Variants in TECRL observed in about 807,000 individuals in gnomAD.
TECRL encodes trans-2,3-enoyl-CoA reductase-like.
TECRL carries 63 observed loss-of-function variants against 52.8 expected under a neutral mutation model. The ratio of observed to expected loss-of-function variants is 1.19; its 90% CI spans 0.97 to 1.47. TECRL has a LOEUF of 1.47. Among genes scored for constraint, TECRL ranks in the 40% most tolerant of loss-of-function variants. The pLI, the probability that TECRL is intolerant of heterozygous loss-of-function variation, is 0.00. For synonymous variants in TECRL, 164 were observed against 141.9 expected (o/e 1.16, Z -1.10); for missense variants, 482 against 429.6 (o/e 1.12, Z -1.08).
intron 1 of TECRL, among the ~76,000 whole-genome samples, chr4:64,386,573 T>C (rs1723191924): frequency 1.3e-5 from 2 of 152,146 alleles, no homozygotes; most frequent in Admixed American, 1.3e-4. Context: ...TTTTCCTGTG[T>C]AATTTTTCTT....
At position 64,281,026 on chromosome 4, in the gene TECRL, A is replaced by T. The variant is rs1483782933; in HGVS notation, c.964+15T>A. 1 of 1,578,840 alleles carries T rather than the reference A, an allele frequency of 6.3e-7. No individual in the cohort carries two copies. The highest frequency in any genetic ancestry group is 8.7e-7 in the Non-Finnish European group (1 of 1,155,606). ...GCATTTATTTTGATTAATTATCAGT[A>T]TATCTAGGTCTTACCTGGCAGTGTT... On this transcript the variant is annotated intron_variant, in intron 11 of 11. Coordinates refer to ENST00000381210, the MANE Select transcript of TECRL (RefSeq NM_001010874.5).
chr4:64,381,612 A>G (rs1722799979), intron 1 of TECRL, among the ~76,000 whole-genome samples: 1 of 151,952 alleles, frequency 6.6e-6, no homozygotes, highest in Admixed American at 6.6e-5. Flanking sequence ...GGGATTGTGC[A>G]TTGTATTAAA....
chr4:64,350,589 G>T (rs1038669556), intron 2 of TECRL, among the ~76,000 whole-genome samples: 1 of 152,026 alleles, frequency 6.6e-6, no homozygotes, highest in African/African-American at 2.4e-5. Flanking sequence ...TATTTAAATA[G>T]GTGGACTTTG....
intron 5 of TECRL, among the ~76,000 whole-genome samples, chr4:64,313,574 C>T (rs1177030458): frequency 1.2e-4 from 17 of 146,598 alleles, no homozygotes; most frequent in East Asian, 2.1e-4. Context: ...CTCCACCTCC[C>T]GGGTTCACAC....
At chr4:64,317,040 A>T (rs1560494285) in intron 4 of TECRL, among the ~76,000 whole-genome samples, 1 of 152,148 alleles carries the variant, frequency 6.6e-6, no homozygotes, top group Non-Finnish European at 1.5e-5. Context: ...GCACTTTGGG[A>T]GGCCGAGGCG....
intron 9 of TECRL, among the ~76,000 whole-genome samples, chr4:64,282,849 C>CTAAT (rs1722894711): frequency 6.6e-6 from 1 of 152,026 alleles, no homozygotes; most frequent in African/African-American, 2.4e-5. Flanking sequence ...TTAGGAGTTA[C>CTAAT]TAATTTAATA....
At chr4:64,363,024 AAAG>A (rs1721308560) in intron 2 of TECRL, among the ~76,000 whole-genome samples, 2 of 152,130 alleles carry the variant, frequency 1.3e-5, no homozygotes, top group African/African-American at 2.4e-5. Context: ...AAAAAAAAAA[AAAG>A]AAGTGGTTGC....
intron 1 of TECRL, among the ~76,000 whole-genome samples, chr4:64,399,136 A>C (rs1724167077): frequency 1.1e-5 from 1 of 94,232 alleles, no homozygotes; most frequent in African/African-American, 3.0e-5. Context: ...AAGAGAGATA[A>C]AGAAGAGGCT....
At chr4:64,339,303 G>T (rs1719370195) in intron 2 of TECRL, among the ~76,000 whole-genome samples, 1 of 111,194 alleles carries the variant, frequency 9.0e-6, no homozygotes, top group African/African-American at 3.4e-5. Flanking sequence ...GGAGGGGGGA[G>T]GGACAGCATT....
At chr4:64,366,454 A>G (rs1016855277) in intron 2 of TECRL, among the ~76,000 whole-genome samples, 1 of 152,196 alleles carries the variant, frequency 6.6e-6, no homozygotes, top group Non-Finnish European at 1.5e-5. Context: ...AGCAAAAGAA[A>G]CTATCAATGA....
chr4:64,389,725 C>A (rs1232557785), intron 1 of TECRL, among the ~76,000 whole-genome samples: 1 of 151,750 alleles, frequency 6.6e-6, no homozygotes, highest in Non-Finnish European at 1.5e-5. Context: ...CCATCTGGTC[C>A]TGGTACTACT....
At chr4:64,359,155 A>G (rs1221410628) in intron 2 of TECRL, among the ~76,000 whole-genome samples, 1 of 151,934 alleles carries the variant, frequency 6.6e-6, no homozygotes, top group African/African-American at 2.4e-5. Flanking sequence ...AATCCTGTTA[A>G]TGCATGCAAT....
At chr4:64,316,680 A>C (rs1717514094) in intron 4 of TECRL, among the ~76,000 whole-genome samples, 1 of 152,204 alleles carries the variant, frequency 6.6e-6, no homozygotes. Flanking sequence ...AGTCATATAC[A>C]AACCAAGTAC....
chr4:64,334,744 A>T (rs918554188), intron 2 of TECRL, among the ~76,000 whole-genome samples: 1 of 152,212 alleles, frequency 6.6e-6, no homozygotes, highest in African/African-American at 2.4e-5. Flanking sequence ...AAAAAATAGG[A>T]TGAAGGAAGG....
chr4:64,309,072 G>C (rs1325508873), intron 6 of TECRL, among the ~76,000 whole-genome samples: 6 of 152,110 alleles, frequency 3.9e-5, no homozygotes, highest in African/African-American at 1.4e-4. Context: ...ATCTTGAACT[G>C]ATTTGATTGA....
chr4:64,278,117 AG>A lies in TECRL; in HGVS notation c.*1954del. The A allele has an allele frequency of 3.2e-5, 2 of 63,226 alleles. No individual in the cohort carries two copies. Among genetic ancestry groups the A allele is most frequent in the Non-Finnish European group, 1.3e-4 (2 of 15,458 alleles). 3.9% of individuals were successfully genotyped at this position (63,226 alleles called of 1,614,324 possible). A position where few individuals can be genotyped will look rare whatever the true frequency, so the allele number is the denominator to read the frequency against. ...ACACACATATTTTGAAATATATTTC[AG>A]AAGATGTATAAATATAATTTACATA... On this transcript the variant is annotated 3_prime_UTR_variant, in exon 12 of 12. Transcript: ENST00000381210.
At chr4:64,292,042 C>A (rs1321140774) in intron 8 of TECRL, among the ~76,000 whole-genome samples, 1 of 151,950 alleles carries the variant, frequency 6.6e-6, no homozygotes, top group East Asian at 1.9e-4. Context: ...GAATCCAATA[C>A]AGTTTGCGAT....
chr4:64,287,680 T>C (rs1190172762), intron 9 of TECRL, among the ~76,000 whole-genome samples: 1 of 152,208 alleles, frequency 6.6e-6, no homozygotes, highest in Admixed American at 6.5e-5. Flanking sequence ...TGTTTTATAA[T>C]GGAATACATT....
chr4:64,318,778 A>G (rs1717685775), intron 4 of TECRL, among the ~76,000 whole-genome samples: 1 of 152,072 alleles, frequency 6.6e-6, no homozygotes, highest in Non-Finnish European at 1.5e-5. Flanking sequence ...AAGAATGGAG[A>G]TAATTCATCA....
Sources: gnomAD v4.1 joint callset for allele counts (sites outside exome capture counted in the v4.1 genomes callset) on GRCh38, gnomAD v4.1.1 for gene constraint, MANE v1.5 for transcripts, NCBI Gene and HGNC (gene_info 2026-07-23, HGNC 2026-07-21) for gene names.